SEL1L3: variants seen among roughly 807,000 people sequenced by gnomAD.
The protein encoded by SEL1L3 is SEL1L family member 3, also known as protein sel-1 homolog 3.
A neutral mutation model predicts 142.8 loss-of-function variants in SEL1L3; 76 were observed. The ratio of observed to expected loss-of-function variants is 0.53; its 90% confidence interval spans 0.44 to 0.64. The LOEUF (loss-of-function observed/expected upper bound fraction) is 0.64. SEL1L3 is among the 30% of genes least tolerant of loss of function. The pLI is 0.00. For missense variants in SEL1L3, 1,262 were observed against 1,381.7 expected, an observed-to-expected ratio of 0.91 and a Z score of 1.37; for synonymous variants, 504 against 519.6, an observed-to-expected ratio of 0.97 and a Z score of 0.41.
At chr4:25,828,986 T>C (rs568595749) in intron 6 of SEL1L3, among the ~76,000 whole-genome samples, 3 of 152,334 alleles carry the variant, frequency 2.0e-5, no homozygotes, top group Non-Finnish European at 4.4e-5. Context: ...CTTATTTTTT[T>C]ATTTTAAGAC....
chr4:25,738,550 T>C, the SEL1L3 span, among the ~76,000 whole-genome samples: 4 of 152,184 alleles, frequency 2.6e-5, no homozygotes, highest in African/African-American at 9.7e-5. Flanking sequence ...CAAAAGATTA[T>C]ATTGTGCACT....
At chr4:25,848,991 C>T (rs923578201) in intron 1 of SEL1L3, among the ~76,000 whole-genome samples, 2 of 152,090 alleles carry the variant, frequency 1.3e-5, no homozygotes, top group Non-Finnish European at 2.9e-5. Flanking sequence ...ATACAAAAAT[C>T]AGTTGGGCAA....
chr4:25,817,138 T>C lies in SEL1L3; in HGVS notation c.1564+1000A>G, dbSNP rs1174892738. ...GAGTAAGCATCAGAAGAATGAATGA[T>C]AAAATATCCTATATGACTTGAATTC... On this transcript the variant is annotated intron_variant, in intron 9 of 23. Transcript: ENST00000399878. Among the ~76,000 whole-genome samples, 5 of 152,354 alleles carry C rather than the reference T, an allele frequency of 3.3e-5. No homozygotes were observed. In the South Asian group the frequency reaches 6.2e-4, roughly 19 times the overall value.
chr4:25,847,300 C>G lies in SEL1L3; in HGVS notation c.727G>C (p.Glu243Gln), dbSNP rs772735617. 1 of 1,609,660 alleles carries G rather than the reference C, an allele frequency of 6.2e-7. No homozygotes were observed. Residue 243 changes from glutamate to glutamine, a missense_variant, in exon 2 of 24, where the codon GAA becomes CAA. Around this residue, in one of 3 missense-constraint regions of SEL1L3, gnomAD observed 689 missense variants for 692.8 expected, o/e 0.99. Coordinates refer to ENST00000399878, the MANE Select transcript of SEL1L3 (RefSeq NM_015187.5). ...RANRIPQCPLENDVVALLGFP... is the reference protein window; with the variant it reads ...RANRIPQCPLQNDVVALLGFP... ...AGCAAGATAGATGACCTACCATTTT[C>G]CAGAGGACACTGTGGAATCCTGTTT...
At chr4:25,793,324 C>A (rs1359788323) in intron 11 of SEL1L3, among the ~76,000 whole-genome samples, 2 of 152,072 alleles carry the variant, frequency 1.3e-5, no homozygotes, top group Admixed American at 1.3e-4. Context: ...ACTCTGTCAC[C>A]CAGACTGGAT....
chr4:25,761,509 T>C (rs1197789598), intron 20 of SEL1L3, among the ~76,000 whole-genome samples: 1 of 152,122 alleles, frequency 6.6e-6, no homozygotes, highest in Non-Finnish European at 1.5e-5. Context: ...AAGATTAAAA[T>C]AAGTGGGAAA....
At chr4:25,768,282 G>C (rs1223260867) in intron 17 of SEL1L3, among the ~76,000 whole-genome samples, 1 of 152,208 alleles carries the variant, frequency 6.6e-6, no homozygotes, top group East Asian at 1.9e-4. Flanking sequence ...TTAGAAGTTT[G>C]GCAAAGGAAA....
intron 19 of SEL1L3, 42 bp from the exon 20 acceptor site, chr4:25,765,477 T>C (rs748019472): frequency 7.8e-7 from 1 of 1,288,792 alleles, no homozygotes; most frequent in Non-Finnish European, 1.1e-6. Flanking sequence ...AAGTGGTTTT[T>C]TTTATACCAA....
At chr4:25,719,038 T>C in the SEL1L3 span, 1 of 152,292 alleles carries the variant, frequency 6.6e-6, no homozygotes, top group South Asian at 2.1e-4. Context: ...TAGCCTAGCG[T>C]GGTGGCACAT....
intron 20 of SEL1L3, among the ~76,000 whole-genome samples, chr4:25,761,733 T>C (rs1339026155): frequency 1.3e-5 from 2 of 152,232 alleles, no homozygotes; most frequent in Non-Finnish European, 2.9e-5. Flanking sequence ...CCATCATCAC[T>C]AGTAATTAAG....
chr4:25,766,178 C>G (rs1311542523), intron 19 of SEL1L3, among the ~76,000 whole-genome samples: 1 of 152,166 alleles, frequency 6.6e-6, no homozygotes, highest in African/African-American at 2.4e-5. Context: ...GTAGCTCACA[C>G]CTGTAATTCC....
chr4:25,840,288 GAAAAA>G lies in SEL1L3; in HGVS notation c.734-4970_734-4966del, dbSNP rs569979415. On this transcript the variant is annotated intron_variant, in intron 2 of 23. Coordinates refer to ENST00000399878, the MANE Select transcript of SEL1L3 (RefSeq NM_015187.5). ...AAATTCAGACTACCATGATTAACTG[GAAAAA>G]AAGGAACTAGGTCTGTTTTTTTTAA... Among the ~76,000 whole-genome samples the G allele has an allele frequency of 4.4e-3, 667 of 151,812 alleles. 3 individuals carry two copies. Among genetic ancestry groups the G allele is most frequent in the Middle Eastern group, 0.017 (5 of 294 alleles).
In SEL1L3 at chr4:25,784,911, A is replaced by G. The variant is rs538042426; in HGVS notation, c.2218-621T>C. Among the ~76,000 whole-genome samples the G allele has an allele frequency of 2.5e-4, 38 of 152,360 alleles. 1 individual carries two copies. The highest frequency in any genetic ancestry group is 1.6e-3 in the Admixed American group (25 of 15,306). ...AGACATGGGCTTTGGGGTTCTTGTC[A>G]TAAGAGAGAAACTCTGTGGAACACA... On this transcript the variant is annotated intron_variant, in intron 13 of 23. Transcript: ENST00000399878.
At chr4:25,815,269 C>T (rs1714317755) in intron 9 of SEL1L3, among the ~76,000 whole-genome samples, 1 of 152,106 alleles carries the variant, frequency 6.6e-6, no homozygotes, top group Admixed American at 6.6e-5. Context: ...GCTTTGGGTC[C>T]CCCTCTCTCC....
At chr4:25,768,218 T>C (rs1335243083) in intron 17 of SEL1L3, among the ~76,000 whole-genome samples, 1 of 152,202 alleles carries the variant, frequency 6.6e-6, no homozygotes, top group Non-Finnish European at 1.5e-5. Context: ...TAAAAAGCTT[T>C]ATAGGGCTTA....
Position 25,793,345 on chromosome 4 carries a change from C to T in SEL1L3, c.1957-2771G>A, listed in dbSNP as rs558280110. ...TCACCCAGACTGGATTGCAGTGGCA[C>T]GATCATGGCTCACTGCAGGCTTGAC... On this transcript the variant is annotated intron_variant, in intron 11 of 23. Coordinates refer to ENST00000399878, the MANE Select transcript of SEL1L3 (RefSeq NM_015187.5). Among the ~76,000 whole-genome samples the T allele has an allele frequency of 4.6e-5, 7 of 152,242 alleles. No homozygotes were observed. In the South Asian group the frequency reaches 1.0e-3, roughly 23 times the overall value.
At chr4:25,794,013 C>T (rs11929756) in intron 11 of SEL1L3, among the ~76,000 whole-genome samples, 40,232 of 152,078 alleles carry the variant, frequency 0.26, 5,573 homozygotes, top group Middle Eastern at 0.38. Flanking sequence ...ATATGTTATA[C>T]AAAAATTAAC....
chr4:25,750,386 C>T (rs1717517045), intron 23 of SEL1L3, among the ~76,000 whole-genome samples: 1 of 152,138 alleles, frequency 6.6e-6, no homozygotes, highest in Non-Finnish European at 1.5e-5. Flanking sequence ...GTTTGCTGAT[C>T]TCTGCTGTTA....
intron 5 of SEL1L3, among the ~76,000 whole-genome samples, chr4:25,830,514 TG>T (rs773618780): frequency 7.9e-5 from 12 of 152,238 alleles, no homozygotes; most frequent in Admixed American, 6.5e-4. Context: ...AATCTTGCTC[TG>T]ATTCCATCAG....
Sources: allele counts gnomAD v4.1 joint callset (sites outside exome capture counted in the v4.1 genomes callset), GRCh38; gene constraint gnomAD v4.1.1; regional missense constraint gnomAD v4.1.1; transcripts MANE v1.5; gene names NCBI Gene and HGNC (gene_info 2026-07-23, HGNC 2026-07-21).